Variants in VPS53 observed in about 807,000 individuals in gnomAD.
VPS53 encodes VPS53 subunit of GARP complex, also known as vacuolar protein sorting-associated protein 53 homolog.
Under a neutral mutation model 107.0 loss-of-function variants are expected in VPS53, and 70 were observed. The observed-to-expected ratio is 0.65, with a 90% CI of 0.54 to 0.80. The LOEUF is 0.80. Among genes scored for constraint, VPS53 ranks in the 30% least tolerant of loss-of-function variants. VPS53 has a pLI of 0.00. For synonymous variants in VPS53, 409 were observed against 393.3 expected (o/e 1.04, Z -0.47); for missense variants, 917 against 1,049.4 (o/e 0.87, Z 1.74).
rs1232318918 is a variant in VPS53, at chr17:562,546, G to A, written c.1513C>T (p.Leu505Phe). The A allele has an allele frequency of 1.9e-6, 3 of 1,614,088 alleles. No individual in the cohort carries two copies. In the South Asian group the frequency reaches 3.3e-5, roughly 18 times the overall value. The change falls in exon 14 of 22, where the codon CTC becomes TTC. Residue 505 changes from leucine (L) to phenylalanine (F), a missense_variant. Physicochemically the swap from Leu to Phe is conservative, Grantham distance 22. Coordinates refer to ENST00000437048, the MANE Select transcript of VPS53 (RefSeq NM_001128159.3). ...IALTTIFQKY[L>F]REYAWKILSG... ...AGGATTTTCCAGGCGTATTCTCGGA[G>A]GTACTTCTGGAAAATGGTGGTCAGG...
intron 4 of VPS53, among the ~76,000 whole-genome samples, chr17:687,127 A>C (rs1241700485): frequency 1.3e-5 from 2 of 151,902 alleles, no homozygotes; most frequent in Non-Finnish European, 2.9e-5. Context: ...TCTACCAAAA[A>C]TATAAAAACT....
chr17:643,399 A>ACAC (rs1970531879), intron 7 of VPS53, among the ~76,000 whole-genome samples: 1 of 150,292 alleles, frequency 6.7e-6, no homozygotes, highest in African/African-American at 2.5e-5. Context: ...ACTGAGGACA[A>ACAC]TACTCATACT....
At chr17:627,030 T>G (rs370885283) in intron 10 of VPS53, 144 bp downstream of exon 10, 11 of 1,085,378 alleles carry the variant, frequency 1.0e-5, no homozygotes, top group African/African-American at 9.8e-5. Context: ...GTGGGGCCAC[T>G]GTGGGGTACG....
At chr17:658,923 C>G (rs1971329163) in intron 5 of VPS53, among the ~76,000 whole-genome samples, 1 of 152,148 alleles carries the variant, frequency 6.6e-6, no homozygotes, top group African/African-American at 2.4e-5. Context: ...AATTCCACAC[C>G]TATGATCCTG....
chr17:537,250 G>A (rs910366911), intron 17 of VPS53, 74 bp from the exon 18 acceptor site: 21 of 1,539,544 alleles, frequency 1.4e-5, no homozygotes, highest in Admixed American at 7.5e-5. Flanking sequence ...GGAAGGGAGG[G>A]GCTGGAGTGG....
intron 13 of VPS53, among the ~76,000 whole-genome samples, chr17:574,084 T>C (rs1234342722): frequency 2.0e-5 from 3 of 152,326 alleles, no homozygotes; most frequent in South Asian, 2.1e-4. Flanking sequence ...CGTTGGGCAT[T>C]ATTTTGTCTG....
intron 5 of VPS53, among the ~76,000 whole-genome samples, chr17:659,182 C>T (rs903552330): frequency 6.6e-6 from 1 of 152,220 alleles, no homozygotes; most frequent in Admixed American, 6.5e-5. Flanking sequence ...TGATCACCCA[C>T]TTGCAACTCT....
intron 11 of VPS53, among the ~76,000 whole-genome samples, chr17:621,521 A>T (rs1438691458): frequency 6.6e-6 from 1 of 152,222 alleles, no homozygotes; most frequent in Non-Finnish European, 1.5e-5. Context: ...TTATGCACCA[A>T]AAAGGTTGTA....
chr17:636,765 G>A (rs1970213427), intron 7 of VPS53, among the ~76,000 whole-genome samples: 1 of 152,200 alleles, frequency 6.6e-6, no homozygotes, highest in Non-Finnish European at 1.5e-5. Flanking sequence ...CAGGGATGAA[G>A]CCCACTTGAT....
At chr17:535,275 C>T (rs949933471) in intron 18 of VPS53, among the ~76,000 whole-genome samples, 3 of 152,202 alleles carry the variant, frequency 2.0e-5, no homozygotes, top group African/African-American at 7.2e-5. Context: ...CAATGAAACT[C>T]AAGGGCTCTG....
chr17:656,478 G>A (rs568320145), intron 5 of VPS53, among the ~76,000 whole-genome samples: 108 of 152,332 alleles, frequency 7.1e-4, no homozygotes, highest in Admixed American at 1.2e-3. Context: ...GTTACTAGGA[G>A]GGCAGGAGCA....
intron 19 of VPS53, among the ~76,000 whole-genome samples, chr17:529,076 G>A (rs1358464721): frequency 6.6e-6 from 1 of 152,108 alleles, no homozygotes; most frequent in Non-Finnish European, 1.5e-5. Flanking sequence ...TATGGTGTGT[G>A]GCAAAGGTCA....
intron 4 of VPS53, among the ~76,000 whole-genome samples, chr17:664,308 G>A (rs955553259): frequency 2.6e-5 from 4 of 152,136 alleles, no homozygotes; most frequent in Non-Finnish European, 5.9e-5. Context: ...TCGATCTCCT[G>A]ACCTCGTGAT....
Position 512,278 on chromosome 17 carries a change from A to G in VPS53, c.*6850T>C, listed in dbSNP as rs1228022129. The G allele has an allele frequency of 1.3e-5, 2 of 152,226 alleles. No individual in the cohort carries two copies. The highest frequency in any genetic ancestry group is 1.9e-4 in the East Asian group (1 of 5,204). The allele number at this position is 152,226 out of a possible 1,614,324, so 9.4% of individuals were successfully genotyped here. On this transcript the variant is annotated 3_prime_UTR_variant, in exon 22 of 22. Transcript: ENST00000437048. ...CTGCCTTATGGCAGAGCAAGTGCAT[A>G]TAGCCCGGTCTTGTGTGACCTTCAC...
intron 5 of VPS53, among the ~76,000 whole-genome samples, chr17:658,276 A>C (rs867618783): frequency 3.5e-4 from 33 of 94,800 alleles, no homozygotes; most frequent in East Asian, 1.3e-3. Context: ...TAAAGTGAGA[A>C]ACTCGGCCGT....
intron 6 of VPS53, among the ~76,000 whole-genome samples, chr17:654,404 A>G (rs1971088563): frequency 6.6e-6 from 1 of 152,162 alleles, no homozygotes; most frequent in African/African-American, 2.4e-5. Flanking sequence ...GGGTTATTTC[A>G]TTAAATTTGT....
intron 4 of VPS53, among the ~76,000 whole-genome samples, chr17:682,510 C>T (rs77269218): frequency 0.021 from 3,270 of 152,222 alleles, 113 homozygotes; most frequent in African/African-American, 0.075. Context: ...GGGGGTGCCA[C>T]ACAAGCAGGC....
At chr17:663,583 G>A (rs569027574) in intron 4 of VPS53, among the ~76,000 whole-genome samples, 5 of 152,084 alleles carry the variant, frequency 3.3e-5, no homozygotes, top group Non-Finnish European at 5.9e-5. Context: ...GCACTGGACC[G>A]TCCGTGAGTA....
intron 11 of VPS53, among the ~76,000 whole-genome samples, chr17:615,206 C>CAGCT (rs796786905): frequency 2.0e-4 from 30 of 152,328 alleles, no homozygotes; most frequent in African/African-American, 7.0e-4. Flanking sequence ...AAAGCACAGG[C>CAGCT]AGCTCACCTC....
Sources: gnomAD v4.1 joint callset for allele counts (sites outside exome capture counted in the v4.1 genomes callset) on GRCh38, gnomAD v4.1.1 for gene constraint, MANE v1.5 for transcripts, NCBI Gene and HGNC (gene_info 2026-07-23, HGNC 2026-07-21) for gene names.